The following KIF1A variants were observed in gnomAD, a reference collection of about 807,000 sequenced individuals.
KIF1A encodes the protein kinesin-like protein KIF1A.
Under a neutral mutation model 227.3 loss-of-function variants are expected in KIF1A, and 46 were observed. That is an observed-to-expected ratio of 0.20 (90% CI 0.16 to 0.26). The LOEUF (loss-of-function observed/expected upper bound fraction) is 0.26. KIF1A is among the 10% of genes least tolerant of loss of function. The pLI, the probability that KIF1A is intolerant of heterozygous loss-of-function variation, is 1.00. For synonymous variants in KIF1A, 1,022 were observed against 1,012.8 expected, an observed-to-expected ratio of 1.01 and a Z score of -0.17; for missense variants, 1,683 against 2,485.9, an observed-to-expected ratio of 0.68 and a Z score of 6.87.
chr2:240,738,699 C>T (rs1318319660), intron 37 of KIF1A, among the ~76,000 whole-genome samples: 1 of 152,224 alleles, frequency 6.6e-6, no homozygotes, highest in East Asian at 1.9e-4. Context: ...GATCACCCAA[C>T]CCCACATAAA....
In KIF1A at chr2:240,766,801, T is replaced by C; in HGVS notation, c.1684+114A>G. The C allele has an allele frequency of 1.7e-6, 1 of 589,870 alleles. No homozygotes were observed. The allele number at this position is 589,870 out of a possible 1,614,324, so 36.5% of individuals were successfully genotyped here. A position where few individuals can be genotyped will look rare whatever the true frequency, so the allele number is the denominator to read the frequency against. On this transcript the variant is annotated intron_variant, in intron 19 of 48. Coordinates refer to ENST00000498729, the MANE Select transcript of KIF1A (RefSeq NM_001244008.2). This position sits in a 1 kb window ranked among gnomAD's most constrained non-coding sequence, Gnocchi z 5.0. ...CACACACACACGTCCTGCCTAGAAG[T>C]ATGACTCGCGACCCACTTAGTGCTG...
chr2:240,743,971 C>T lies in KIF1A; in HGVS notation c.3555G>A (p.Pro1185=), dbSNP rs772708805. ...FEVFGHYQQH[P]FPPLCKDVLS... is the part of the protein sequence containing the mutation. ...GCACGTCCTTGCAGAGGGGCGGGAA[C>T]GGGTGCTGCTGGTAGTGGCCAAAGA... Residue 1185 remains proline, a synonymous_variant, in exon 33 of 49, where the codon CCG becomes CCA. Coordinates refer to ENST00000498729, the MANE Select transcript of KIF1A (RefSeq NM_001244008.2). 18 of 1,613,500 alleles carry T rather than the reference C, an allele frequency of 1.1e-5. 1 individual carries two copies. Among genetic ancestry groups the T allele is most frequent in the African/African-American group, 4.0e-5 (3 of 75,040 alleles).
rs2044928903 is a variant in KIF1A at position 240,719,035 on chromosome 2, A to G, written c.5185T>C (p.Tyr1729His). The change falls in exon 47 of 49, where the codon TAC becomes CAC. Residue 1729 changes from tyrosine (Y) to histidine (H), a missense_variant. Transcript: ENST00000498729. ...VLNLATAQVE[Y>H]SEDQQAMLKT... ...AGCATAGCCTGCTGGTCCTCACTGT[A>G]CTCCACCTGGGCAGTGGCCAGGTTG... 4.3e-6 allele frequency: 7 copies of G among 1,611,056 alleles called. No individual in the cohort carries two copies. The highest frequency in any genetic ancestry group is 5.1e-6 in the Non-Finnish European group (6 of 1,178,870).
chr2:240,791,510 C>T (rs1325771359), intron 2 of KIF1A, among the ~76,000 whole-genome samples: 3 of 110,866 alleles, frequency 2.7e-5, no homozygotes, highest in Non-Finnish European at 6.0e-5. Flanking sequence ...CCCCACACCC[C>T]TTCCTGCCCC....
chr2:240,741,424 T>G, intron 34 of KIF1A, 47 bp from the exon 35 acceptor site: 1 of 1,399,330 alleles, frequency 7.1e-7, no homozygotes, highest in Non-Finnish European at 9.6e-7. Flanking sequence ...ACCTGACCTA[T>G]CACGTGCCAA....
At chr2:240,723,731 A>C (rs77070709) in intron 41 of KIF1A, among the ~76,000 whole-genome samples, 173 bp from the exon 42 acceptor site, 2,256 of 152,200 alleles carry the variant, frequency 0.015, 45 homozygotes, top group African/African-American at 0.05. Context: ...CTTCCATAGG[A>C]AGTTATCCAG....
At chr2:240,738,279 T>C (rs550718048) in intron 37 of KIF1A, among the ~76,000 whole-genome samples, 1 of 152,326 alleles carries the variant, frequency 6.6e-6, no homozygotes, top group South Asian at 2.1e-4. Flanking sequence ...TGCCAGGGGT[T>C]GGGCTGGGGT....
At chr2:240,760,151 C>A (rs1477671677) in intron 25 of KIF1A, among the ~76,000 whole-genome samples, 1 of 152,238 alleles carries the variant, frequency 6.6e-6, no homozygotes, top group Non-Finnish European at 1.5e-5. Context: ...TCCTCCTCAC[C>A]ACCCCCACCT....
At chr2:240,749,247 A>G (rs2048943804) in intron 28 of KIF1A, among the ~76,000 whole-genome samples, 1 of 152,214 alleles carries the variant, frequency 6.6e-6, no homozygotes, top group Non-Finnish European at 1.5e-5. Flanking sequence ...CAGAGCCGGG[A>G]GAACCAGACA....
chr2:240,732,208 G>A (rs1453041984), intron 38 of KIF1A, among the ~76,000 whole-genome samples: 17 of 96,894 alleles, frequency 1.8e-4, no homozygotes, highest in Non-Finnish European at 1.4e-4. Flanking sequence ...GGGATGAGGC[G>A]TGAGGGGAGG....
At chr2:240,796,116 G>C (rs150336234) in intron 2 of KIF1A, among the ~76,000 whole-genome samples, 1 of 152,162 alleles carries the variant, frequency 6.6e-6, no homozygotes, top group African/African-American at 2.4e-5. Flanking sequence ...TGCCCACCCC[G>C]GGCCACAGTG....
intron 38 of KIF1A, among the ~76,000 whole-genome samples, chr2:240,729,894 G>A (rs891773119): frequency 2.6e-5 from 4 of 152,210 alleles, no homozygotes; most frequent in African/African-American, 9.6e-5. Context: ...CCGGACCAGG[G>A]TCTGACATGG....
Position 240,715,995 on chromosome 2 carries a change from G to A in KIF1A, c.*1369C>T, listed in dbSNP as rs2044561173. ...GGCCCTAAAACCTCCCTAGGCCTCT[G>A]GACATGACTCCTATGACCAGACTCT... On this transcript the variant is annotated 3_prime_UTR_variant, in exon 49 of 49. Coordinates refer to ENST00000498729, the MANE Select transcript of KIF1A (RefSeq NM_001244008.2). The A allele has an allele frequency of 6.6e-6, 1 of 152,264 alleles. No homozygotes were observed. Among genetic ancestry groups the A allele is most frequent in the Non-Finnish European group, 1.5e-5 (1 of 68,058 alleles). The allele number at this position is 152,264 out of a possible 1,614,324, so 9.4% of individuals were successfully genotyped here. A position where few individuals can be genotyped will look rare whatever the true frequency, so the allele number is the denominator to read the frequency against.
intron 42 of KIF1A, 115 bp from the exon 43 acceptor site, chr2:240,722,771 C>T: frequency 2.5e-6 from 2 of 806,946 alleles, no homozygotes; most frequent in Non-Finnish European, 3.8e-6. Flanking sequence ...CCCACCCTCC[C>T]CTGGGCTAAG....
chr2:240,773,114 T>C lies in KIF1A; in HGVS notation c.1180A>G (p.Thr394Ala). Residue 394 changes from threonine to alanine, a missense_variant and splice_region_variant, in exon 13 of 49, where the codon ACC (threonine) becomes GCC (alanine). Around this residue, in one of 12 missense-constraint regions of KIF1A, gnomAD observed 110 missense variants for 133.1 expected, o/e 0.83. Coordinates refer to ENST00000498729, the MANE Select transcript of KIF1A (RefSeq NM_001244008.2). Reference sequence around the variant, plus strand: ...AGGACAGGCTGGAGCAGGCACTCACTGTCAGTGATGTCGCCAAGACCCTGG... The same window carrying C: ...AGGACAGGCTGGAGCAGGCACTCACCGTCAGTGATGTCGCCAAGACCCTGG... ...YAQGLGDITD[T>A]NTVPGGPKLT... The C allele has an allele frequency of 9.3e-6, 15 of 1,611,428 alleles. No homozygotes were observed. Among genetic ancestry groups the C allele is most frequent in the Non-Finnish European group, 1.2e-5 (14 of 1,178,762 alleles).
intron 38 of KIF1A, chr2:240,728,338 G>A: frequency 8.5e-7 from 1 of 1,172,252 alleles, no homozygotes; most frequent in Non-Finnish European, 1.2e-6. Context: ...GAACTCGGAA[G>A]AGCAGAAGAG....
intron 10 of KIF1A, chr2:240,781,979 C>G: frequency 1.0e-6 from 1 of 985,464 alleles, no homozygotes; most frequent in Non-Finnish European, 1.2e-6. Context: ...GTGCGTTTCC[C>G]AGTGAGCACC....
intron 1 of KIF1A, chr2:240,798,131 C>T (rs1370401904): frequency 5.1e-6 from 1 of 195,546 alleles, no homozygotes; most frequent in Admixed American, 5.5e-5. Context: ...GGGTCTTCCC[C>T]TGTGGATGCA....
At chr2:240,783,172 G>GCA in intron 8 of KIF1A, 63 bp from the exon 9 acceptor site, 1 of 1,257,780 alleles carries the variant, frequency 8.0e-7, no homozygotes, top group African/African-American at 1.5e-5. Context: ...CTGCTCTGGA[G>GCA]GGATGCCCTG....
Sources: gnomAD v4.1 joint callset for allele counts (sites outside exome capture counted in the v4.1 genomes callset) on GRCh38, gnomAD v4.1.1 for gene constraint, gnomAD v4.1.1 regional missense constraint, Gnocchi (gnomAD v3.1) non-coding constraint, MANE v1.5 for transcripts, NCBI Gene and HGNC (gene_info 2026-07-23, HGNC 2026-07-21) for gene names.